POU6F1: variants seen among roughly 807,000 people sequenced by gnomAD.
POU6F1 encodes POU domain, class 6, transcription factor 1.
Under a neutral mutation model 28.9 loss-of-function variants are expected in POU6F1, and 9 were observed. The observed-to-expected ratio is 0.31, with a 90% CI of 0.19 to 0.54. The LOEUF is 0.54. POU6F1 is among the 20% of genes least tolerant of loss of function. The pLI is 0.94. For synonymous variants in POU6F1, 173 were observed against 171.1 expected (o/e 1.01, Z -0.09); for missense variants, 338 against 426.1 (o/e 0.79, Z 1.82).
At chr12:51,204,044 T>C (rs1453377340) in intron 3 of POU6F1, 129 bp downstream of exon 3, 1 of 397,682 alleles carries the variant, frequency 2.5e-6, no homozygotes, top group African/African-American at 2.1e-5. Context: ...GCACAGGCTG[T>C]CCAGTGGGCA....
At chr12:51,198,863 T>A in intron 4 of POU6F1, 88 bp from the exon 5 acceptor site, 1 of 397,510 alleles carries the variant, frequency 2.5e-6, no homozygotes, top group Non-Finnish European at 4.4e-6. Context: ...GAGACCCAGC[T>A]GAGCACAAAC....
chr12:51,198,591 G>A lies in POU6F1; in HGVS notation c.551C>T (p.Pro184Leu), dbSNP rs1943008274. The A allele has an allele frequency of 1.3e-5, 5 of 399,178 alleles. No individual in the cohort carries two copies. The highest frequency in any genetic ancestry group is 2.2e-5 in the Non-Finnish European group (5 of 226,270). 24.7% of individuals were successfully genotyped at this position (399,178 alleles called of 1,614,324 possible). The change falls in exon 5 of 11, where the codon CCT (proline) becomes CTT (leucine). Residue 184 changes from proline (P) to leucine (L), a missense_variant. This residue lies in a region of POU6F1 where 206 missense variants were observed against 225.6 expected (regional missense o/e 0.91). Coordinates refer to ENST00000333640, the MANE Select transcript of POU6F1 (RefSeq NM_001330422.2). ...AALPGLTAAS[P>L]TGGVFKPPLA... The stretch of plus-strand genomic sequence containing the variant: ...AGGTGGCTTGAACACTCCCCCCGTA[G>A]GAGAAGCAGCGGTCAGTCCTGGGAG...
At chr12:51,196,703 T>C in intron 7 of POU6F1, 96 bp downstream of exon 7, 1 of 1,443,180 alleles carries the variant, frequency 6.9e-7, no homozygotes, top group South Asian at 1.2e-5. Flanking sequence ...TGACGTCTGT[T>C]CGAGTTTCTA....
Position 51,187,644 on chromosome 12 carries a change from T to C in POU6F1, c.*2603A>G, listed in dbSNP as rs938625827. The stretch of plus-strand genomic sequence containing the variant: ...TGGTATTGTTCCTCTGAATGACCAA[T>C]CCATCATTCCAGCAGAGGAGAAATG... On this transcript the variant is annotated 3_prime_UTR_variant, in exon 11 of 11. Coordinates refer to ENST00000333640, the MANE Select transcript of POU6F1 (RefSeq NM_001330422.2). 3 of 152,208 alleles carry C rather than the reference T, an allele frequency of 2.0e-5. No homozygotes were observed. Among genetic ancestry groups the C allele is most frequent in the Admixed American group, 6.5e-5 (1 of 15,276 alleles). The allele number at this position is 152,208 out of a possible 1,614,324, so 9.4% of individuals were successfully genotyped here.
chr12:51,196,204 G>T, intron 7 of POU6F1, 31 bp from the exon 8 acceptor site: 1 of 1,453,262 alleles, frequency 6.9e-7, no homozygotes, highest in Non-Finnish European at 9.1e-7. Flanking sequence ...GACCCCAGGT[G>T]TGAGGGTAGC....
intron 1 of POU6F1, among the ~76,000 whole-genome samples, chr12:51,213,125 C>T (rs779538630): frequency 2.6e-5 from 4 of 152,018 alleles, no homozygotes; most frequent in Non-Finnish European, 5.9e-5. Context: ...TTAGTAGAGA[C>T]GGGGTTTCAC....
At chr12:51,196,434 G>A (rs1426123824) in intron 7 of POU6F1, among the ~76,000 whole-genome samples, 4 of 152,176 alleles carry the variant, frequency 2.6e-5, no homozygotes, top group East Asian at 1.9e-4. Flanking sequence ...TTTTAGCTGT[G>A]TAGCTTTCAT....
intron 1 of POU6F1, among the ~76,000 whole-genome samples, chr12:51,212,597 A>G (rs1419268983): frequency 6.7e-6 from 1 of 149,650 alleles, no homozygotes; most frequent in Non-Finnish European, 1.5e-5. Flanking sequence ...TCTGATCAAC[A>G]TGGAGAAACC....
rs1291584055 is a variant in POU6F1, at chr12:51,188,967, C to T, written c.*1280G>A. 1 of 152,124 alleles carries T rather than the reference C, an allele frequency of 6.6e-6. No homozygotes were observed. Among genetic ancestry groups the T allele is most frequent in the Non-Finnish European group, 1.5e-5 (1 of 68,038 alleles). The allele number at this position is 152,124 out of a possible 1,614,324, so 9.4% of individuals were successfully genotyped here. A position where few individuals can be genotyped will look rare whatever the true frequency, so the allele number is the denominator to read the frequency against. On this transcript the variant is annotated 3_prime_UTR_variant, in exon 11 of 11. Transcript: ENST00000333640. ...GTGAGGCTGGAAACTCACTTAACAG[C>T]TTGGATGAGAGCTAACCCCCAAGGT...
chr12:51,195,955 C>A lies in POU6F1; in HGVS notation c.1179+15G>T, dbSNP rs1214062335. ...CAGAGCCTGCCCCACCCCCCACCCCCCCCAGCCCCTGTACCTCACTCTTAG... is the reference window on the plus strand; with the variant it reads ...CAGAGCCTGCCCCACCCCCCACCCCACCCAGCCCCTGTACCTCACTCTTAG... On this transcript the variant is annotated intron_variant, in intron 8 of 10. Transcript: ENST00000333640. 2.7e-6 allele frequency: 4 copies of A among 1,499,340 alleles called. No individual in the cohort carries two copies. Among genetic ancestry groups the A allele is most frequent in the South Asian group, 1.2e-5 (1 of 83,172 alleles). The allele number at this position is 1,499,340 out of a possible 1,614,324, so 92.9% of individuals were successfully genotyped here. A position where few individuals can be genotyped will look rare whatever the true frequency, so the allele number is the denominator to read the frequency against.
chr12:51,204,890 T>A (rs1355676225), intron 2 of POU6F1, among the ~76,000 whole-genome samples: 1 of 152,168 alleles, frequency 6.6e-6, no homozygotes, highest in Non-Finnish European at 1.5e-5. Flanking sequence ...GCTGAGTAAC[T>A]TCTATCGCCC....
intron 6 of POU6F1, 54 bp downstream of exon 6, chr12:51,197,716 T>C (rs1000053695): frequency 6.5e-5 from 26 of 398,754 alleles, no homozygotes; most frequent in Non-Finnish European, 1.1e-4. Flanking sequence ...GTTCCACCCT[T>C]GGCCCATGAT....
chr12:51,211,189 G>A (rs1237976957), intron 1 of POU6F1, among the ~76,000 whole-genome samples: 1 of 152,242 alleles, frequency 6.6e-6, no homozygotes, highest in Non-Finnish European at 1.5e-5. Flanking sequence ...AGGCCAGGGA[G>A]GAGAGACAAT....
In POU6F1 at chr12:51,209,392, G is replaced by A. The variant is rs534517029; in HGVS notation, c.-47-2509C>T. Among the ~76,000 whole-genome samples the A allele has an allele frequency of 3.9e-5, 6 of 152,314 alleles. No individual in the cohort carries two copies. The South Asian group carries it at 8.3e-4, about 21-fold the overall frequency. On this transcript the variant is annotated intron_variant, in intron 1 of 10. Coordinates refer to ENST00000333640, the MANE Select transcript of POU6F1 (RefSeq NM_001330422.2). ...TGTAAATGGAATGATAGAATATGTC[G>A]CTTTGTGTGTCTAGCTTCTTTTACT... is the stretch of plus-strand genomic sequence containing the variant.
chr12:51,211,858 G>C (rs1257351349), intron 1 of POU6F1, among the ~76,000 whole-genome samples: 1 of 152,162 alleles, frequency 6.6e-6, no homozygotes, highest in Non-Finnish European at 1.5e-5. Context: ...AATCCAAAGA[G>C]GTCCAGGGCC....
In POU6F1 at chr12:51,198,387, G is replaced by A. The variant is rs988700134; in HGVS notation, c.592+163C>T. Among the ~76,000 whole-genome samples, 15 of 152,192 alleles carry A rather than the reference G, an allele frequency of 9.9e-5. 1 individual carries two copies. Among genetic ancestry groups the A allele is most frequent in the Non-Finnish European group, 2.2e-4 (15 of 68,024 alleles). ...GCGTCACGGCCTACAGTCCCGAGGT[G>A]GTGCAGCAGCTCTGCGGCCGGATGC... On this transcript the variant is annotated intron_variant, in intron 5 of 10. Transcript: ENST00000333640.
chr12:51,213,229 G>T (rs1302912101), intron 1 of POU6F1, among the ~76,000 whole-genome samples: 4 of 150,652 alleles, frequency 2.7e-5, no homozygotes, highest in Admixed American at 6.6e-5. Context: ...GAGCCACCGC[G>T]CCCGGCCTCT....
chr12:51,209,874 G>A (rs1241132195), intron 1 of POU6F1, among the ~76,000 whole-genome samples: 1 of 152,176 alleles, frequency 6.6e-6, no homozygotes, highest in Non-Finnish European at 1.5e-5. Flanking sequence ...TGCAGGAGGG[G>A]CAGAGGAATT....
intron 5 of POU6F1, 100 bp downstream of exon 5, chr12:51,198,450 G>T: frequency 2.5e-6 from 1 of 398,566 alleles, no homozygotes; most frequent in South Asian, 1.4e-4. Context: ...CGGTTGCCCT[G>T]GGTGGGCCGT....
Sources: allele counts gnomAD v4.1 joint callset (sites outside exome capture counted in the v4.1 genomes callset), GRCh38; gene constraint gnomAD v4.1.1; regional missense constraint gnomAD v4.1.1; transcripts MANE v1.5; gene names NCBI Gene and HGNC (gene_info 2026-07-23, HGNC 2026-07-21).